BABAM2: variants seen among roughly 807,000 people sequenced by gnomAD.
The protein encoded by BABAM2 is BRISC and BRCA1 A complex member 2.
In BABAM2, 31 loss-of-function variants were observed where a neutral mutation model predicts 54.7. The observed-to-expected ratio is 0.57, with a 90% confidence interval of 0.43 to 0.77. The LOEUF is 0.77. BABAM2 is among the 30% of genes least tolerant of loss of function. The pLI is 0.00. For synonymous variants in BABAM2, 167 were observed against 162.9 expected (o/e 1.03, Z -0.19); for missense variants, 364 against 455.8 (o/e 0.80, Z 1.83).
At chr2:28,216,090 CTTAA>C (rs992083602) in intron 7 of BABAM2, among the ~76,000 whole-genome samples, 3 of 152,214 alleles carry the variant, frequency 2.0e-5, no homozygotes, top group Admixed American at 2.0e-4. Context: ...CCACTTCTCT[CTTAA>C]TTTTCTTCTA....
chr2:28,192,497 A>G (rs1403290897), intron 7 of BABAM2, among the ~76,000 whole-genome samples: 5 of 146,486 alleles, frequency 3.4e-5, no homozygotes, highest in African/African-American at 1.3e-4. Flanking sequence ...GTCTTTATTC[A>G]TTTGACTGGG....
rs11399848 is a variant in BABAM2, at chr2:28,033,800, GT to G, written c.495+8391del. Reference sequence around the variant, plus strand: ...TCATACCTAACATTTTGATTAAAGTGTTTTTTTTTTTGAGATATGAAATGTA... The same window carrying G: ...TCATACCTAACATTTTGATTAAAGTGTTTTTTTTTTGAGATATGAAATGTA... On this transcript the variant is annotated intron_variant, in intron 5 of 11. Transcript: ENST00000379624. 2.4e-3 allele frequency among the ~76,000 whole-genome samples: 361 copies of G among 148,554 alleles called. 1 individual carries two copies. Among genetic ancestry groups the G allele is most frequent in the African/African-American group, 3.6e-3 (144 of 40,480 alleles).
intron 7 of BABAM2, among the ~76,000 whole-genome samples, chr2:28,157,264 G>T (rs1050043819): frequency 9.3e-4 from 142 of 152,254 alleles, no homozygotes; most frequent in Non-Finnish European, 1.8e-3. Flanking sequence ...AAAAACCTCA[G>T]TTATCCAAAG....
chr2:28,313,449 G>A (rs1363643153), intron 11 of BABAM2, among the ~76,000 whole-genome samples: 2 of 152,146 alleles, frequency 1.3e-5, no homozygotes, highest in African/African-American at 2.4e-5. Flanking sequence ...ATGGAAAATC[G>A]AAGCCAAGAA....
At chr2:28,008,563 G>A (rs189752722) in intron 4 of BABAM2, among the ~76,000 whole-genome samples, 1 of 152,154 alleles carries the variant, frequency 6.6e-6, no homozygotes, top group East Asian at 1.9e-4. Context: ...GCAGGCTGAG[G>A]CGGTCAATTT....
intron 11 of BABAM2, among the ~76,000 whole-genome samples, chr2:28,299,377 A>C (rs542311372): frequency 3.2e-4 from 49 of 152,346 alleles, no homozygotes; most frequent in Admixed American, 7.2e-4. Flanking sequence ...ATCAGTCTTC[A>C]TAAACCATGA....
At chr2:28,022,752 A>G (rs944376668) in intron 4 of BABAM2, among the ~76,000 whole-genome samples, 1 of 152,206 alleles carries the variant, frequency 6.6e-6, no homozygotes, top group African/African-American at 2.4e-5. Flanking sequence ...TCTCTTTTTC[A>G]TAGATGCCTG....
intron 6 of BABAM2, among the ~76,000 whole-genome samples, chr2:28,054,981 C>G (rs779384183): frequency 7.2e-5 from 11 of 152,148 alleles, no homozygotes; most frequent in Non-Finnish European, 1.5e-4. Context: ...GAACTAAGCA[C>G]TATTCACAAT....
At chr2:28,240,823 T>C (rs1414055742) in intron 8 of BABAM2, among the ~76,000 whole-genome samples, 1 of 144,466 alleles carries the variant, frequency 6.9e-6, no homozygotes, top group Non-Finnish European at 1.5e-5. Flanking sequence ...TGAGCTAAGA[T>C]CGCGCCATTG....
At chr2:27,968,973 G>A (rs1004356762) in intron 3 of BABAM2, among the ~76,000 whole-genome samples, 2 of 151,698 alleles carry the variant, frequency 1.3e-5, no homozygotes. Context: ...GATATGGCTT[G>A]TCTGTGTTCC....
chr2:28,046,050 A>C (rs187951561), intron 6 of BABAM2, among the ~76,000 whole-genome samples: 82 of 152,328 alleles, frequency 5.4e-4, no homozygotes, highest in African/African-American at 8.7e-4. Flanking sequence ...TTTGGGAAAA[A>C]TCGCTTTTAT....
intron 11 of BABAM2, among the ~76,000 whole-genome samples, chr2:28,315,554 A>C (rs1157817007): frequency 3.3e-5 from 5 of 151,388 alleles, no homozygotes; most frequent in African/African-American, 7.3e-5. Flanking sequence ...TGCAGACTTG[A>C]ATTCCTGGGC....
chr2:28,327,350 A>G, intron 11 of BABAM2: 1 of 1,613,880 alleles, frequency 6.2e-7, no homozygotes, highest in Non-Finnish European at 8.5e-7. Flanking sequence ...AACTGGCTGC[A>G]AGCTGCTCCA....
intron 3 of BABAM2, among the ~76,000 whole-genome samples, chr2:27,955,567 T>C (rs1396948552): frequency 6.6e-6 from 1 of 152,234 alleles, no homozygotes; most frequent in Non-Finnish European, 1.5e-5. Flanking sequence ...AACACAGATA[T>C]GTGCATTAGT....
At chr2:28,168,151 G>A (rs1473495489) in intron 7 of BABAM2, among the ~76,000 whole-genome samples, 1 of 152,106 alleles carries the variant, frequency 6.6e-6, no homozygotes, top group Non-Finnish European at 1.5e-5. Context: ...GTGTTCCCGT[G>A]GTCTAGACGT....
intron 3 of BABAM2, among the ~76,000 whole-genome samples, chr2:27,939,757 T>C (rs912765732): frequency 6.6e-6 from 1 of 152,242 alleles, no homozygotes; most frequent in Non-Finnish European, 1.5e-5. Context: ...ATTTTATGTA[T>C]TGGAAAATAG....
At chr2:28,003,038 T>C (rs1673689640) in intron 4 of BABAM2, among the ~76,000 whole-genome samples, 1 of 152,184 alleles carries the variant, frequency 6.6e-6, no homozygotes, top group African/African-American at 2.4e-5. Flanking sequence ...GCTAGAATTG[T>C]TTTATACATT....
chr2:28,242,384 G>C (rs1287768173), intron 9 of BABAM2, among the ~76,000 whole-genome samples: 5 of 152,202 alleles, frequency 3.3e-5, no homozygotes, highest in Admixed American at 2.6e-4. Flanking sequence ...GCCTGTGGCT[G>C]TGCTGCCCTG....
intron 6 of BABAM2, among the ~76,000 whole-genome samples, chr2:28,067,370 T>A (rs571266369): frequency 6.6e-6 from 1 of 152,368 alleles, no homozygotes; most frequent in Middle Eastern, 3.4e-3. Context: ...CTTACTTACA[T>A]CAATTTTATA....
Sources: gnomAD v4.1 joint callset for allele counts (sites outside exome capture counted in the v4.1 genomes callset) on GRCh38, gnomAD v4.1.1 for gene constraint, MANE v1.5 for transcripts, NCBI Gene and HGNC (gene_info 2026-07-23, HGNC 2026-07-21) for gene names.